The following PIAS1 variants were observed in gnomAD, a reference collection of about 807,000 sequenced individuals.
PIAS1 encodes E3 SUMO-protein ligase PIAS1.
A neutral mutation model predicts 71.3 loss-of-function variants in PIAS1; 6 were observed. The ratio of observed to expected loss-of-function variants is 0.08; its 90% CI spans 0.05 to 0.17. PIAS1 has a LOEUF of 0.17. PIAS1 is among the 10% of genes least tolerant of loss of function. The pLI is 1.00. For missense variants in PIAS1, 555 were observed against 793.6 expected (o/e 0.70, Z 3.61); for synonymous variants, 303 against 292.9 (o/e 1.03, Z -0.35).
intron 2 of PIAS1, among the ~76,000 whole-genome samples, chr15:68,127,614 T>C (rs1450071947): frequency 6.6e-6 from 1 of 152,150 alleles, no homozygotes; most frequent in Non-Finnish European, 1.5e-5. Flanking sequence ...TTTATTCTTT[T>C]ACAACACAAA....
At chr15:68,151,663 C>CA (rs71455581) in intron 6 of PIAS1, among the ~76,000 whole-genome samples, 27 of 141,914 alleles carry the variant, frequency 1.9e-4, no homozygotes, top group African/African-American at 6.0e-4. Flanking sequence ...CTACTAAAAA[C>CA]AAAAAAAACA....
intron 8 of PIAS1, among the ~76,000 whole-genome samples, chr15:68,172,259 C>T (rs1595788014): frequency 6.6e-6 from 1 of 152,288 alleles, no homozygotes; most frequent in East Asian, 1.9e-4. Context: ...TTTTTTATGG[C>T]TGCATAGTAT....
intron 6 of PIAS1, among the ~76,000 whole-genome samples, chr15:68,151,914 A>G (rs1328794219): frequency 7.0e-6 from 1 of 142,986 alleles, no homozygotes; most frequent in Non-Finnish European, 1.5e-5. Flanking sequence ...TCAGATTAGT[A>G]TGTTGTATGC....
intron 11 of PIAS1, among the ~76,000 whole-genome samples, chr15:68,177,549 G>A (rs142247182): frequency 6.6e-6 from 1 of 152,070 alleles, no homozygotes; most frequent in Admixed American, 6.6e-5. Flanking sequence ...TTTTCCATTA[G>A]TCTTATATCA....
intron 2 of PIAS1, among the ~76,000 whole-genome samples, chr15:68,132,474 C>T (rs988057142): frequency 1.1e-4 from 17 of 150,118 alleles, no homozygotes; most frequent in African/African-American, 3.9e-4. Context: ...GACTCTGTCT[C>T]TAAAAAAAAA....
chr15:68,060,742 A>G (rs975625232), intron 1 of PIAS1, among the ~76,000 whole-genome samples: 1 of 150,716 alleles, frequency 6.6e-6, no homozygotes. Flanking sequence ...ATTGGGAGGT[A>G]ACATAGTTTC....
chr15:68,077,572 GTT>G (rs2092181340), intron 1 of PIAS1, among the ~76,000 whole-genome samples: 1 of 152,206 alleles, frequency 6.6e-6, no homozygotes, highest in South Asian at 2.1e-4. Flanking sequence ...TCTTAGAAGT[GTT>G]TTAGCAGAGG....
At chr15:68,067,100 T>C (rs2092037666) in intron 1 of PIAS1, among the ~76,000 whole-genome samples, 1 of 152,238 alleles carries the variant, frequency 6.6e-6, no homozygotes, top group Non-Finnish European at 1.5e-5. Flanking sequence ...ACCCTTGATC[T>C]TAGTTCCATG....
intron 2 of PIAS1, among the ~76,000 whole-genome samples, chr15:68,102,259 C>A (rs1412846767): frequency 6.6e-6 from 1 of 152,178 alleles, no homozygotes; most frequent in Non-Finnish European, 1.5e-5. Flanking sequence ...TATCAACAAT[C>A]ATTGTCTGTA....
At position 68,187,690 on chromosome 15, in the gene PIAS1, C is replaced by T. The variant is rs758983899; in HGVS notation, c.1811C>T (p.Thr604Ile). ...SAGGSTSLPT[T>I]NGSSSGSNSS... ...GGAGGCAGTACTTCTCTGCCAACCA[C>T]CAATGGAAGCAGTAGTGGCAGTAAC... Residue 604 changes from threonine to isoleucine, a missense_variant, in exon 14 of 14, where the codon ACC becomes ATC. Physicochemically the swap from Thr to Ile is moderately conservative, Grantham distance 89 (BLOSUM62 -1). Transcript: ENST00000249636. The surrounding 1 kb of genome is among the most constrained non-coding windows in gnomAD (Gnocchi z 5.3). 34 of 1,613,870 alleles carry T rather than the reference C, an allele frequency of 2.1e-5. No individual in the cohort carries two copies. Among genetic ancestry groups the T allele is most frequent in the South Asian group, 3.3e-5 (3 of 91,088 alleles).
chr15:68,091,008 C>T (rs1204893784), intron 2 of PIAS1, among the ~76,000 whole-genome samples: 1 of 151,104 alleles, frequency 6.6e-6, no homozygotes, highest in Non-Finnish European at 1.5e-5. Context: ...CACTAGCTCA[C>T]GTAACCTGGC....
chr15:68,096,159 T>C (rs1347708107), intron 2 of PIAS1, among the ~76,000 whole-genome samples: 1 of 152,240 alleles, frequency 6.6e-6, no homozygotes, highest in Non-Finnish European at 1.5e-5. Context: ...ATTTTGAAAC[T>C]ATATGTTTGA....
At chr15:68,127,784 A>G (rs1043297442) in intron 2 of PIAS1, among the ~76,000 whole-genome samples, 1 of 152,022 alleles carries the variant, frequency 6.6e-6, no homozygotes, top group Admixed American at 6.6e-5. Flanking sequence ...TATTTTTGAG[A>G]TGGAGTCTCG....
intron 2 of PIAS1, among the ~76,000 whole-genome samples, chr15:68,092,723 T>C (rs1419814215): frequency 6.6e-6 from 1 of 152,108 alleles, no homozygotes; most frequent in Non-Finnish European, 1.5e-5. Context: ...CCCCTTTCAT[T>C]TGCCCCCTTT....
At chr15:68,179,913 C>T (rs916454159) in intron 11 of PIAS1, among the ~76,000 whole-genome samples, 6 of 151,942 alleles carry the variant, frequency 3.9e-5, no homozygotes, top group African/African-American at 1.5e-4. Flanking sequence ...GAAATTGCAT[C>T]CCCATGCCCC....
chr15:68,118,787 A>G (rs992506833), intron 2 of PIAS1, among the ~76,000 whole-genome samples: 3 of 152,222 alleles, frequency 2.0e-5, no homozygotes, highest in African/African-American at 7.2e-5. Context: ...TCTTTTAAGA[A>G]ATATCTAAAT....
chr15:68,112,356 C>CT (rs1466937774), intron 2 of PIAS1, among the ~76,000 whole-genome samples: 2 of 152,184 alleles, frequency 1.3e-5, no homozygotes, highest in Non-Finnish European at 2.9e-5. Flanking sequence ...TCCCTATTTT[C>CT]TTTTCCTTCA....
intron 12 of PIAS1, among the ~76,000 whole-genome samples, chr15:68,183,234 C>T (rs748113595): frequency 3.9e-5 from 6 of 152,214 alleles, no homozygotes; most frequent in Non-Finnish European, 8.8e-5. Context: ...CAAACTTTCT[C>T]ACCTGCAAAA....
chr15:68,115,395 A>G (rs2092557236), intron 2 of PIAS1, among the ~76,000 whole-genome samples: 1 of 152,136 alleles, frequency 6.6e-6, no homozygotes, highest in Non-Finnish European at 1.5e-5. Context: ...ATATGGAAAT[A>G]CGACTGGTTT....
Sources: allele counts gnomAD v4.1 joint callset (sites outside exome capture counted in the v4.1 genomes callset), GRCh38; gene constraint gnomAD v4.1.1; non-coding constraint Gnocchi (gnomAD v3.1); transcripts MANE v1.5; gene names NCBI Gene and HGNC (gene_info 2026-07-23, HGNC 2026-07-21).